Variants in TASP1 observed in about 807,000 individuals in gnomAD.
TASP1 encodes the protein taspase 1.
Under a neutral mutation model 56.6 loss-of-function variants are expected in TASP1, and 16 were observed. The observed-to-expected ratio is 0.28, with a 90% CI of 0.19 to 0.43. The LOEUF (loss-of-function observed/expected upper bound fraction) is 0.43, where lower values mean the gene tolerates loss of function less well. Among genes scored for constraint, TASP1 ranks in the 20% least tolerant of loss-of-function variants. The probability of loss-of-function intolerance (pLI) is 1.00; values close to 1 mark genes in which losing one functional copy is unlikely to be tolerated. For synonymous variants in TASP1, 179 were observed against 184.2 expected, an observed-to-expected ratio of 0.97 and a Z score of 0.23; for missense variants, 393 against 511.6, an observed-to-expected ratio of 0.77 and a Z score of 2.24.
At chr20:13,361,342 C>T in the TASP1 span, among the ~76,000 whole-genome samples, 56 of 152,300 alleles carry the variant, frequency 3.7e-4, no homozygotes, top group Admixed American at 5.9e-4. Flanking sequence ...CACCTCAATA[C>T]AGTCTGATAA....
At chr20:13,527,415 G>A (rs1226469217) in intron 10 of TASP1, among the ~76,000 whole-genome samples, 1 of 152,128 alleles carries the variant, frequency 6.6e-6, no homozygotes, top group African/African-American at 2.4e-5. Flanking sequence ...GGAGAGAAAG[G>A]GATGGGACTG....
chr20:13,536,319 G>T (rs1273948381), intron 8 of TASP1, among the ~76,000 whole-genome samples: 1 of 152,136 alleles, frequency 6.6e-6, no homozygotes, highest in Non-Finnish European at 1.5e-5. Flanking sequence ...ACTATTTATA[G>T]GCACAAATCT....
the TASP1 span, among the ~76,000 whole-genome samples, chr20:13,194,169 T>G: frequency 6.9e-5 from 10 of 145,424 alleles, no homozygotes; most frequent in Admixed American, 4.8e-4. Context: ...AAAATGTTTC[T>G]ATTGAAGATT....
At chr20:13,243,067 G>C in the TASP1 span, among the ~76,000 whole-genome samples, 1 of 152,182 alleles carries the variant, frequency 6.6e-6, no homozygotes, top group East Asian at 1.9e-4. Flanking sequence ...AACTTTGGCT[G>C]TCTGGACACC....
intron 2 of TASP1, among the ~76,000 whole-genome samples, chr20:13,625,835 T>A (rs1466649987): frequency 6.6e-6 from 1 of 152,218 alleles, no homozygotes. Flanking sequence ...GAAAGCTAAG[T>A]GACAGCACAT....
At chr20:13,385,513 T>C (rs1019150076), downstream of TASP1, among the ~76,000 whole-genome samples, 2 of 152,216 alleles carry the variant, frequency 1.3e-5, no homozygotes, top group Non-Finnish European at 2.9e-5. Flanking sequence ...GTGAGGGGCA[T>C]AAGCAGACTG....
Position 13,420,066 on chromosome 20 carries a change from T to A in TASP1, c.1097-2545A>T, listed in dbSNP as rs1474956. Among the ~76,000 whole-genome samples, 35 of 152,064 alleles carry A rather than the reference T, an allele frequency of 2.3e-4. No individual in the cohort carries two copies. The South Asian group carries it at 7.1e-3, about 31-fold the overall frequency. ...ATACAAAGTTAAAGCATTTCTAAAA[T>A]TGCACCTTTTCCTCATGCCCCGAAT... On this transcript the variant is annotated intron_variant, in intron 12 of 13. Coordinates refer to ENST00000337743, the MANE Select transcript of TASP1 (RefSeq NM_017714.3).
the TASP1 span, among the ~76,000 whole-genome samples, chr20:13,282,576 A>G: frequency 9.8e-5 from 15 of 152,314 alleles, no homozygotes; most frequent in African/African-American, 3.4e-4. Flanking sequence ...GACCTAGAGT[A>G]CCATTGAGCT....
intron 2 of TASP1, among the ~76,000 whole-genome samples, chr20:13,626,910 C>T (rs111751178): frequency 8.2e-6 from 1 of 121,534 alleles, no homozygotes; most frequent in African/African-American, 2.8e-5. Flanking sequence ...GCCCCCCCCC[C>T]ACCCCGTACA....
the TASP1 span, among the ~76,000 whole-genome samples, chr20:13,214,212 A>G: frequency 3.3e-5 from 5 of 152,188 alleles, no homozygotes; most frequent in Non-Finnish European, 5.9e-5. Context: ...TACCTACTGT[A>G]GTATTTGAGG....
the TASP1 span, among the ~76,000 whole-genome samples, chr20:13,120,509 C>T: frequency 7.9e-5 from 12 of 152,080 alleles, no homozygotes; most frequent in Non-Finnish European, 1.5e-4. Context: ...GAGATAAAAA[C>T]ATCTGGCTCT....
chr20:13,577,955 A>C (rs1251036215), intron 6 of TASP1, among the ~76,000 whole-genome samples: 1 of 152,194 alleles, frequency 6.6e-6, no homozygotes, highest in African/African-American at 2.4e-5. Flanking sequence ...TATATTCTAC[A>C]AGCAACAATG....
At chr20:13,326,802 G>A in the TASP1 span, among the ~76,000 whole-genome samples, 1 of 152,114 alleles carries the variant, frequency 6.6e-6, no homozygotes, top group Non-Finnish European at 1.5e-5. Flanking sequence ...AGGTATTGCT[G>A]AAACATACCT....
chr20:13,621,386 G>A lies in TASP1; in HGVS notation c.282+2060C>T, dbSNP rs756218306. 1.6e-4 allele frequency among the ~76,000 whole-genome samples: 25 copies of A among 152,038 alleles called. No individual in the cohort carries two copies. In the East Asian group the frequency reaches 2.3e-3, roughly 14 times the overall value. ...GCAGAGGTTGCAGTGAGCCAAGATCGCACCACTGCACTCCAGCTTGGGCTA... is the reference window on the plus strand; with the variant it reads ...GCAGAGGTTGCAGTGAGCCAAGATCACACCACTGCACTCCAGCTTGGGCTA... On this transcript the variant is annotated intron_variant, in intron 4 of 13. Transcript: ENST00000337743.
At chr20:13,403,200 TATTAACATTAACTTATTAACTTATTAAC>T (rs1200114450) in intron 13 of TASP1, among the ~76,000 whole-genome samples, 1 of 146,210 alleles carries the variant, frequency 6.8e-6, no homozygotes, top group Admixed American at 6.6e-5. Context: ...CTTATTAACT[TATTAACATTAACTTATTAACTTATTAAC>T]ATTAACTTGC....
the TASP1 span, among the ~76,000 whole-genome samples, chr20:13,223,297 T>C: frequency 6.6e-6 from 1 of 152,206 alleles, no homozygotes; most frequent in Non-Finnish European, 1.5e-5. Context: ...ATACAATTTA[T>C]TGCGAAAAAC....
At chr20:13,307,841 C>T in the TASP1 span, among the ~76,000 whole-genome samples, 1 of 152,188 alleles carries the variant, frequency 6.6e-6, no homozygotes, top group African/African-American at 2.4e-5. Context: ...CATGGAGGAA[C>T]ATTTGGATTG....
At chr20:13,625,445 C>T (rs1204022450) in intron 2 of TASP1, among the ~76,000 whole-genome samples, 193 bp from the exon 3 acceptor site, 1 of 152,170 alleles carries the variant, frequency 6.6e-6, no homozygotes, top group Non-Finnish European at 1.5e-5. Context: ...TTTTCAAAAG[C>T]TCTTTTCCTG....
At chr20:13,213,187 T>A in the TASP1 span, among the ~76,000 whole-genome samples, 3 of 151,296 alleles carry the variant, frequency 2.0e-5, no homozygotes, top group Non-Finnish European at 4.4e-5. Flanking sequence ...CTTTAGTTAT[T>A]AAAAAAAAAG....
Sources: allele counts gnomAD v4.1 joint callset (sites outside exome capture counted in the v4.1 genomes callset), GRCh38; gene constraint gnomAD v4.1.1; transcripts MANE v1.5; gene names NCBI Gene and HGNC (gene_info 2026-07-23, HGNC 2026-07-21).